SDK1: variants seen among roughly 807,000 people sequenced by gnomAD.
SDK1 encodes the protein protein sidekick-1.
A neutral mutation model predicts 245.5 loss-of-function variants in SDK1; 157 were observed. The observed-to-expected ratio is 0.64, with a 90% confidence interval of 0.56 to 0.73. SDK1 has a LOEUF of 0.73. Among genes scored for constraint, SDK1 ranks in the 30% least tolerant of loss-of-function variants. The probability of loss-of-function intolerance (pLI) is 0.00; values close to 1 mark genes in which losing one functional copy is unlikely to be tolerated. For missense variants in SDK1, 3,583 were observed against 3,002.3 expected, an observed-to-expected ratio of 1.19 and a Z score of -4.52; for synonymous variants, 1,647 against 1,278.5, an observed-to-expected ratio of 1.29 and a Z score of -6.15.
chr7:4,161,737 G>A (rs1781138455), intron 31 of SDK1, 49 bp from the exon 32 acceptor site: 3 of 1,522,202 alleles, frequency 2.0e-6, no homozygotes, highest in Non-Finnish European at 2.7e-6. Flanking sequence ...AAGGGCGGCA[G>A]AACATAACAA....
chr7:3,435,729 T>C (rs1216660531), intron 1 of SDK1, among the ~76,000 whole-genome samples: 1 of 152,082 alleles, frequency 6.6e-6, no homozygotes, highest in Non-Finnish European at 1.5e-5. Context: ...CCCACCTAAG[T>C]CCAACTCCCA....
chr7:3,823,617 A>T (rs1779699794), intron 5 of SDK1, among the ~76,000 whole-genome samples: 1 of 152,200 alleles, frequency 6.6e-6, no homozygotes, highest in East Asian at 1.9e-4. Flanking sequence ...CTGACCGAAA[A>T]GTATATTGAA....
chr7:4,031,798 G>T (rs959517287), intron 17 of SDK1, among the ~76,000 whole-genome samples: 3 of 151,968 alleles, frequency 2.0e-5, no homozygotes, highest in African/African-American at 7.2e-5. Flanking sequence ...AGGCCGAGGT[G>T]GGTGGATCAC....
chr7:3,948,450 G>A (rs1255713357), intron 5 of SDK1, among the ~76,000 whole-genome samples: 2 of 152,052 alleles, frequency 1.3e-5, no homozygotes, highest in African/African-American at 4.8e-5. Flanking sequence ...TTTTAGTAGA[G>A]ATGGGGTTTC....
At chr7:3,857,031 C>T (rs80181039) in intron 5 of SDK1, among the ~76,000 whole-genome samples, 2,122 of 151,918 alleles carry the variant, frequency 0.014, 56 homozygotes, top group African/African-American at 0.049. Flanking sequence ...ATTGAATCCC[C>T]GAAAATGTAA....
intron 14 of SDK1, among the ~76,000 whole-genome samples, chr7:4,003,246 C>T (rs1421324743): frequency 1.3e-5 from 2 of 152,246 alleles, no homozygotes; most frequent in Non-Finnish European, 2.9e-5. Context: ...TAACCTGCCC[C>T]TCCCCTGCCT....
chr7:4,085,875 T>A (rs1175944413), intron 22 of SDK1, among the ~76,000 whole-genome samples: 1 of 152,146 alleles, frequency 6.6e-6, no homozygotes, highest in Non-Finnish European at 1.5e-5. Flanking sequence ...TTTAAAAAAT[T>A]GGTGGAGGAT....
intron 4 of SDK1, among the ~76,000 whole-genome samples, chr7:3,725,346 C>T (rs913145643): frequency 6.6e-6 from 1 of 152,130 alleles, no homozygotes; most frequent in Non-Finnish European, 1.5e-5. Context: ...GCATTGCAGC[C>T]TGATAAGGGC....
At chr7:3,444,069 T>C (rs1031531150) in intron 1 of SDK1, among the ~76,000 whole-genome samples, 1 of 152,200 alleles carries the variant, frequency 6.6e-6, no homozygotes, top group Admixed American at 6.5e-5. Context: ...TCTCCCAGAC[T>C]CCTATACTGC....
chr7:3,804,333 T>C (rs769479172), intron 4 of SDK1, among the ~76,000 whole-genome samples: 8 of 152,184 alleles, frequency 5.3e-5, no homozygotes, highest in Non-Finnish European at 1.2e-4. Flanking sequence ...TTGGTACCAT[T>C]GTTAAAAAGA....
Position 4,266,395 on chromosome 7 carries a change from A to G in SDK1, c.*1011A>G. 1.0e-6 allele frequency: 1 copy of G among 985,396 alleles called. No homozygotes were observed. Among genetic ancestry groups the G allele is most frequent in the Non-Finnish European group, 1.2e-6 (1 of 829,936 alleles). The allele number at this position is 985,396 out of a possible 1,614,324, so 61.0% of individuals were successfully genotyped here. A position where few individuals can be genotyped will look rare whatever the true frequency, so the allele number is the denominator to read the frequency against. ...ACAGTGTCTGCAAATAAAGCAAAAC[A>G]GCTCTGAGAACACACGCTCCCGACT... On this transcript the variant is annotated 3_prime_UTR_variant, in exon 45 of 45. Transcript: ENST00000404826.
chr7:3,906,677 G>C (rs754508653), intron 5 of SDK1, among the ~76,000 whole-genome samples: 1 of 133,638 alleles, frequency 7.5e-6, no homozygotes, highest in East Asian at 2.3e-4. Flanking sequence ...GCCCAGGCTG[G>C]AGTGCAGTGG....
chr7:3,562,234 C>G (rs1269590116), intron 1 of SDK1, among the ~76,000 whole-genome samples: 1 of 152,210 alleles, frequency 6.6e-6, no homozygotes, highest in African/African-American at 2.4e-5. Context: ...CGTATTCTAC[C>G]GTTTCCAAAA....
chr7:3,649,488 A>G (rs1782942509), intron 4 of SDK1, among the ~76,000 whole-genome samples: 1 of 151,840 alleles, frequency 6.6e-6, no homozygotes, highest in Non-Finnish European at 1.5e-5. Context: ...CCTGCTCTAG[A>G]ATTTCACACA....
At chr7:3,511,440 G>A (rs1422628838) in intron 1 of SDK1, among the ~76,000 whole-genome samples, 1 of 152,084 alleles carries the variant, frequency 6.6e-6, no homozygotes, top group African/African-American at 2.4e-5. Context: ...TGATTATTTA[G>A]GTCATTTTAC....
At chr7:3,325,537 A>G (rs899109161) in intron 1 of SDK1, among the ~76,000 whole-genome samples, 1 of 152,110 alleles carries the variant, frequency 6.6e-6, no homozygotes, top group African/African-American at 2.4e-5. Flanking sequence ...TTTTTCTGTA[A>G]TCCTAGTTCC....
intron 5 of SDK1, among the ~76,000 whole-genome samples, chr7:3,936,324 G>A (rs914332244): frequency 8.5e-5 from 13 of 152,132 alleles, no homozygotes; most frequent in African/African-American, 3.1e-4. Flanking sequence ...GCTCACGCCT[G>A]TAATCCCAGC....
chr7:4,058,538 T>C (rs1028194564), intron 19 of SDK1, among the ~76,000 whole-genome samples: 1 of 152,162 alleles, frequency 6.6e-6, no homozygotes, highest in Non-Finnish European at 1.5e-5. Flanking sequence ...AAAGGTCTTC[T>C]CCATGGCACA....
At chr7:3,595,286 T>C (rs1311114216) in intron 1 of SDK1, among the ~76,000 whole-genome samples, 1 of 152,134 alleles carries the variant, frequency 6.6e-6, no homozygotes, top group Non-Finnish European at 1.5e-5. Flanking sequence ...AACTTTATGA[T>C]ATTTTGCTTG....
Sources: gnomAD v4.1 joint callset for allele counts (sites outside exome capture counted in the v4.1 genomes callset) on GRCh38, gnomAD v4.1.1 for gene constraint, MANE v1.5 for transcripts, NCBI Gene and HGNC (gene_info 2026-07-23, HGNC 2026-07-21) for gene names.